NAALADL2: variants seen among roughly 807,000 people sequenced by gnomAD.
NAALADL2 encodes inactive N-acetylated-alpha-linked acidic dipeptidase-like protein 2.
In NAALADL2, 76 loss-of-function variants were observed where a neutral mutation model predicts 87.2. The ratio of observed to expected loss-of-function variants is 0.87; its 90% CI spans 0.72 to 1.05. The LOEUF is 1.05. NAALADL2 is among the 50% of genes least tolerant of loss of function. The pLI, the probability that NAALADL2 is intolerant of heterozygous loss-of-function variation, is 0.00. For missense variants in NAALADL2, 1,089 were observed against 945.8 expected, an observed-to-expected ratio of 1.15 and a Z score of -1.99; for synonymous variants, 354 against 331.0, an observed-to-expected ratio of 1.07 and a Z score of -0.75.
chr3:174,987,827 T>TATATATATATATATATATATATAAAA (rs1222203525), intron 1 of NAALADL2, among the ~76,000 whole-genome samples: 4 of 130,562 alleles, frequency 3.1e-5, no homozygotes, highest in African/African-American at 1.5e-4. Flanking sequence ...TATATATATA[T>TATATATATATATATATATATATAAAA]AATGAGACCT....
chr3:174,626,209 G>A (rs184998458), intron 2 of NAALADL2, among the ~76,000 whole-genome samples: 3 of 151,574 alleles, frequency 2.0e-5, no homozygotes, highest in East Asian at 3.9e-4. Context: ...TCGGGTCAAA[G>A]GGTAGAGTTA....
At chr3:174,664,121 T>G (rs1160975195) in intron 2 of NAALADL2, among the ~76,000 whole-genome samples, 1 of 152,102 alleles carries the variant, frequency 6.6e-6, no homozygotes, top group Non-Finnish European at 1.5e-5. Flanking sequence ...ACTGCAATTC[T>G]GCCAACCCCT....
chr3:175,226,707 G>A (rs1447199526), intron 2 of NAALADL2, among the ~76,000 whole-genome samples: 2 of 152,052 alleles, frequency 1.3e-5, no homozygotes, highest in African/African-American at 4.8e-5. Flanking sequence ...TATTTTAGAA[G>A]GTAAGAAGTA....
At chr3:175,731,882 C>G (rs898621511) in intron 11 of NAALADL2, among the ~76,000 whole-genome samples, 1 of 152,130 alleles carries the variant, frequency 6.6e-6, no homozygotes, top group Non-Finnish European at 1.5e-5. Flanking sequence ...TATCCAGATT[C>G]TAACTGTAAA....
chr3:174,648,617 A>G lies in NAALADL2; in HGVS notation c.-114-89024A>G, dbSNP rs898770003. Among the ~76,000 whole-genome samples, 12 of 152,228 alleles carry G rather than the reference A, an allele frequency of 7.9e-5. No individual in the cohort carries two copies. In the East Asian group the frequency reaches 1.4e-3, roughly 17 times the overall value. ...CACTATCTTATTCTTGGGCAATTAGAATAATACTAGATTAAACATTTAATA... is the reference window on the plus strand; with the variant it reads ...CACTATCTTATTCTTGGGCAATTAGGATAATACTAGATTAAACATTTAATA... On this transcript the variant is annotated intron_variant, in intron 2 of 3. Transcript: ENST00000434257.
chr3:175,363,826 GT>G (rs1765279445), intron 5 of NAALADL2, among the ~76,000 whole-genome samples: 2 of 147,920 alleles, frequency 1.4e-5, no homozygotes, highest in South Asian at 4.4e-4. Flanking sequence ...ATTCTTCTGG[GT>G]TTTGTAATCT....
intron 11 of NAALADL2, among the ~76,000 whole-genome samples, chr3:175,727,663 G>A (rs1296138169): frequency 6.6e-6 from 1 of 152,136 alleles, no homozygotes; most frequent in Non-Finnish European, 1.5e-5. Context: ...ACTTAAGAAG[G>A]AAAAGTGAGA....
intron 9 of NAALADL2, among the ~76,000 whole-genome samples, chr3:175,478,364 A>T (rs977988537): frequency 6.6e-6 from 1 of 151,942 alleles, no homozygotes; most frequent in African/African-American, 2.4e-5. Flanking sequence ...AGGTTTATCT[A>T]TCTCCTGAGT....
chr3:175,303,565 C>A (rs1294492504), intron 4 of NAALADL2, among the ~76,000 whole-genome samples: 1 of 152,156 alleles, frequency 6.6e-6, no homozygotes, highest in Admixed American at 6.6e-5. Flanking sequence ...TAGATAACCT[C>A]ATGGTTATAT....
chr3:175,237,083 A>G (rs893482468), intron 3 of NAALADL2, among the ~76,000 whole-genome samples: 1 of 152,138 alleles, frequency 6.6e-6, no homozygotes, highest in African/African-American at 2.4e-5. Flanking sequence ...TTTTTAGTTT[A>G]AAATATATGT....
chr3:175,322,025 A>G (rs1378515695), intron 4 of NAALADL2, among the ~76,000 whole-genome samples: 24 of 152,092 alleles, frequency 1.6e-4, no homozygotes, highest in South Asian at 8.3e-4. Flanking sequence ...AGCCCGCATC[A>G]CCAAGTCAAT....
intron 3 of NAALADL2, among the ~76,000 whole-genome samples, chr3:174,778,395 C>T (rs548012376): frequency 1.8e-4 from 27 of 152,100 alleles, no homozygotes; most frequent in Non-Finnish European, 3.1e-4. Context: ...CAAAATTGTT[C>T]AACTTTGAAA....
At chr3:174,968,111 T>A (rs772250143) in intron 1 of NAALADL2, among the ~76,000 whole-genome samples, 1 of 152,186 alleles carries the variant, frequency 6.6e-6, no homozygotes, top group Non-Finnish European at 1.5e-5. Context: ...TTCAATTTGG[T>A]GCACTATCTA....
At chr3:175,253,446 C>T (rs929250812) in intron 3 of NAALADL2, among the ~76,000 whole-genome samples, 2 of 152,178 alleles carry the variant, frequency 1.3e-5, no homozygotes, top group African/African-American at 2.4e-5. Context: ...AATTATTGCT[C>T]TCTGTCAATG....
chr3:175,737,583 G>A (rs1246486524), intron 12 of NAALADL2, among the ~76,000 whole-genome samples, 184 bp downstream of exon 12: 1 of 152,076 alleles, frequency 6.6e-6, no homozygotes, highest in Admixed American at 6.5e-5. Context: ...TGAGATGCAC[G>A]GATGTGTAAG....
At chr3:175,697,697 T>A (rs1158196622) in intron 11 of NAALADL2, among the ~76,000 whole-genome samples, 1 of 149,870 alleles carries the variant, frequency 6.7e-6, no homozygotes, top group Non-Finnish European at 1.5e-5. Flanking sequence ...GACTTATTAT[T>A]AAATTTATTA....
intron 2 of NAALADL2, among the ~76,000 whole-genome samples, chr3:175,191,442 T>G (rs537060002): frequency 1.3e-5 from 2 of 152,214 alleles, no homozygotes; most frequent in African/African-American, 2.4e-5. Flanking sequence ...GATATACTGG[T>G]CAAGGAAATG....
chr3:175,715,883 ATAAT>A (rs772807965), intron 11 of NAALADL2, among the ~76,000 whole-genome samples: 26 of 152,164 alleles, frequency 1.7e-4, no homozygotes, highest in Non-Finnish European at 2.6e-4. Flanking sequence ...AAAATAAAAA[ATAAT>A]TAAAAAATAA....
At chr3:175,327,993 A>T (rs1437721115) in intron 5 of NAALADL2, among the ~76,000 whole-genome samples, 1 of 152,222 alleles carries the variant, frequency 6.6e-6, no homozygotes, top group Non-Finnish European at 1.5e-5. Flanking sequence ...TTGCGGAATT[A>T]TTACACACCT....
Sources: allele counts gnomAD v4.1 joint callset (sites outside exome capture counted in the v4.1 genomes callset), GRCh38; gene constraint gnomAD v4.1.1; transcripts MANE v1.5; gene names NCBI Gene and HGNC (gene_info 2026-07-23, HGNC 2026-07-21).